B4GALT5: variants seen among roughly 807,000 people sequenced by gnomAD.
The protein encoded by B4GALT5 is UDP-Gal:beta-GlcNAc beta-1,4-galactosyltransferase 5.
B4GALT5 carries 11 observed loss-of-function variants against 45.0 expected under a neutral mutation model. The ratio of observed to expected loss-of-function variants is 0.24; its 90% CI spans 0.15 to 0.40. The LOEUF (loss-of-function observed/expected upper bound fraction) is 0.40. Among genes scored for constraint, B4GALT5 ranks in the 10% least tolerant of loss-of-function variants. The pLI, the probability that B4GALT5 is intolerant of heterozygous loss-of-function variation, is 1.00. For missense variants in B4GALT5, 337 were observed against 500.2 expected (o/e 0.67, Z 3.11); for synonymous variants, 185 against 182.9 (o/e 1.01, Z -0.09).
chr20:49,677,111 T>C (rs1488989154), intron 1 of B4GALT5, among the ~76,000 whole-genome samples: 2 of 152,098 alleles, frequency 1.3e-5, no homozygotes, highest in East Asian at 1.9e-4. Flanking sequence ...CTCAGGGTAT[T>C]AGAGAAGGTA....
chr20:49,710,735 T>C (rs1356531183), intron 1 of B4GALT5, among the ~76,000 whole-genome samples: 3 of 152,114 alleles, frequency 2.0e-5, no homozygotes, highest in African/African-American at 7.2e-5. Context: ...TATTATTTTC[T>C]AAGCTCATTT....
At chr20:49,704,825 C>T (rs114804610) in intron 1 of B4GALT5, among the ~76,000 whole-genome samples, 2,180 of 152,136 alleles carry the variant, frequency 0.014, 61 homozygotes, top group African/African-American at 0.05. Flanking sequence ...TATAATTAGG[C>T]TACTAACCAC....
chr20:49,649,462 C>T lies in B4GALT5; in HGVS notation c.251-2384G>A, dbSNP rs142614716. On this transcript the variant is annotated intron_variant, in intron 2 of 8. Coordinates refer to ENST00000371711, the MANE Select transcript of B4GALT5 (RefSeq NM_004776.4). ...AGGCCTGGTGGTGCGCGCCTGTGGT[C>T]CCAGCTACTCGGGAGGCTGAGGCAG... is the stretch of plus-strand genomic sequence containing the variant. Among the ~76,000 whole-genome samples, 1,129 of 152,100 alleles carry T rather than the reference C, an allele frequency of 7.4e-3. 14 individuals carry two copies. Among genetic ancestry groups the T allele is most frequent in the Non-Finnish European group, 0.012 (793 of 67,988 alleles).
In B4GALT5 at chr20:49,685,838, T is replaced by C. The variant is rs139510805; in HGVS notation, c.115+27738A>G. 8.7e-3 allele frequency among the ~76,000 whole-genome samples: 1,330 copies of C among 152,264 alleles called. 26 individuals carry two copies. Among genetic ancestry groups the C allele is most frequent in the African/African-American group, 0.031 (1,284 of 41,532 alleles). ...ACATTTTTGGATAGTTTTAAAAGTC[T>C]TGTTCTTTAACAGTAAGAAAAATGC... On this transcript the variant is annotated intron_variant, in intron 1 of 8. Coordinates refer to ENST00000371711, the MANE Select transcript of B4GALT5 (RefSeq NM_004776.4).
chr20:49,680,172 T>C (rs1457169251), intron 1 of B4GALT5, among the ~76,000 whole-genome samples: 1 of 152,206 alleles, frequency 6.6e-6, no homozygotes, highest in African/African-American at 2.4e-5. Context: ...TCAATAGCAT[T>C]ATCATTATTT....
At chr20:49,696,569 A>G (rs968132773) in intron 1 of B4GALT5, among the ~76,000 whole-genome samples, 6 of 152,368 alleles carry the variant, frequency 3.9e-5, no homozygotes, top group African/African-American at 9.6e-5. Flanking sequence ...ATCTTATAGC[A>G]AAGAGATTGT....
chr20:49,713,693 T>G lies in B4GALT5; in HGVS notation c.-3A>C. On this transcript the variant is annotated 5_prime_UTR_variant, in exon 1 of 9. Transcript: ENST00000371711. ...AGCAGCCCCCGGCGGGCGCGCATGCTGCAGCCAGGCGGCCGCTAGAGAGCC... is the reference window on the plus strand; with the variant it reads ...AGCAGCCCCCGGCGGGCGCGCATGCGGCAGCCAGGCGGCCGCTAGAGAGCC... 7.0e-7 allele frequency: 1 copy of G among 1,419,282 alleles called. No individual in the cohort carries two copies. The highest frequency in any genetic ancestry group is 9.4e-7 in the Non-Finnish European group (1 of 1,060,764). The allele number at this position is 1,419,282 out of a possible 1,614,324, so 87.9% of individuals were successfully genotyped here. A position where few individuals can be genotyped will look rare whatever the true frequency, so the allele number is the denominator to read the frequency against.
At chr20:49,708,732 G>A (rs2085895212) in intron 1 of B4GALT5, among the ~76,000 whole-genome samples, 1 of 152,132 alleles carries the variant, frequency 6.6e-6, no homozygotes, top group African/African-American at 2.4e-5. Flanking sequence ...CAGACCACGA[G>A]GTCAGGAGTT....
At chr20:49,692,894 G>A (rs1180302167) in intron 1 of B4GALT5, among the ~76,000 whole-genome samples, 1 of 152,174 alleles carries the variant, frequency 6.6e-6, no homozygotes, top group Non-Finnish European at 1.5e-5. Context: ...GCCGCATAAT[G>A]ACGTTTCAGT....
intron 1 of B4GALT5, among the ~76,000 whole-genome samples, chr20:49,681,216 TAA>T (rs10628956): frequency 5.5e-5 from 4 of 72,438 alleles, no homozygotes; most frequent in Admixed American, 3.4e-4. Context: ...ACCCCATCTC[TAA>T]AAAAAAAAAA....
chr20:49,676,481 C>G (rs2146346776), intron 1 of B4GALT5, among the ~76,000 whole-genome samples: 1 of 152,310 alleles, frequency 6.6e-6, no homozygotes, highest in South Asian at 2.1e-4. Context: ...GAAATAAAAG[C>G]AGAGATGAAG....
At chr20:49,645,317 T>C (rs2085594513) in intron 3 of B4GALT5, among the ~76,000 whole-genome samples, 1 of 152,220 alleles carries the variant, frequency 6.6e-6, no homozygotes, top group Non-Finnish European at 1.5e-5. Flanking sequence ...GCATATACGG[T>C]GGTTGCATAA....
chr20:49,710,713 C>G (rs2085905751), intron 1 of B4GALT5, among the ~76,000 whole-genome samples: 1 of 151,980 alleles, frequency 6.6e-6, no homozygotes, highest in Non-Finnish European at 1.5e-5. Context: ...CCACCACACC[C>G]AGCCAACCTA....
chr20:49,679,864 AT>A (rs995026648), intron 1 of B4GALT5, among the ~76,000 whole-genome samples: 2 of 152,118 alleles, frequency 1.3e-5, no homozygotes, highest in African/African-American at 2.4e-5. Context: ...TTAATAACTG[AT>A]TTTTTTCAGT....
intron 6 of B4GALT5, among the ~76,000 whole-genome samples, chr20:49,640,013 A>C (rs2085569525): frequency 6.6e-6 from 1 of 152,228 alleles, no homozygotes; most frequent in South Asian, 2.1e-4. Flanking sequence ...TGGCCCATTT[A>C]GAGTATATCA....
chr20:49,705,286 GGA>G (rs922304635), intron 1 of B4GALT5, among the ~76,000 whole-genome samples: 11 of 152,032 alleles, frequency 7.2e-5, no homozygotes, highest in African/African-American at 2.7e-4. Flanking sequence ...AAATGTAAAA[GGA>G]TTAGCCCACA....
intron 1 of B4GALT5, among the ~76,000 whole-genome samples, chr20:49,664,911 G>T (rs1285621488): frequency 6.6e-6 from 1 of 152,182 alleles, no homozygotes; most frequent in South Asian, 2.1e-4. Context: ...GGTGAACTCA[G>T]GTGTAGAGCA....
chr20:49,691,759 T>C (rs1300644575), intron 1 of B4GALT5, among the ~76,000 whole-genome samples: 1 of 152,236 alleles, frequency 6.6e-6, no homozygotes, highest in Non-Finnish European at 1.5e-5. Flanking sequence ...CAGTGTGTTA[T>C]CTTTGGGTTA....
chr20:49,712,836 G>GT (rs1491492748), intron 1 of B4GALT5, among the ~76,000 whole-genome samples: 3 of 110,558 alleles, frequency 2.7e-5, no homozygotes, highest in East Asian at 2.7e-4. Context: ...GGTACGCGAG[G>GT]TGGGGGGGGG....
Sources: gnomAD v4.1 joint callset for allele counts (sites outside exome capture counted in the v4.1 genomes callset) on GRCh38, gnomAD v4.1.1 for gene constraint, MANE v1.5 for transcripts, NCBI Gene and HGNC (gene_info 2026-07-23, HGNC 2026-07-21) for gene names.